CCDC102B: variants seen among roughly 807,000 people sequenced by gnomAD.
The protein encoded by CCDC102B is coiled-coil domain containing 102B.
CCDC102B carries 75 observed loss-of-function variants against 57.4 expected under a neutral mutation model. That is an observed-to-expected ratio of 1.31 (90% CI 1.08 to 1.58). The LOEUF is 1.58. CCDC102B is among the 40% of genes most tolerant of loss of function. The pLI is 0.00. For missense variants in CCDC102B, 636 were observed against 582.6 expected, an observed-to-expected ratio of 1.09 and a Z score of -0.94; for synonymous variants, 206 against 201.9, an observed-to-expected ratio of 1.02 and a Z score of -0.17.
intron 1 of CCDC102B, among the ~76,000 whole-genome samples, chr18:68,835,723 T>G (rs1308370865): frequency 6.6e-6 from 1 of 152,198 alleles, no homozygotes; most frequent in African/African-American, 2.4e-5. Flanking sequence ...TAAATCAGTC[T>G]CTTATCTTCA....
chr18:68,985,284 A>AT (rs1373228878), intron 6 of CCDC102B, among the ~76,000 whole-genome samples: 3 of 152,164 alleles, frequency 2.0e-5, no homozygotes, highest in Non-Finnish European at 4.4e-5. Flanking sequence ...ATAAATTCAT[A>AT]TTTTCAGTTT....
chr18:69,031,437 C>T (rs370997244), intron 7 of CCDC102B, among the ~76,000 whole-genome samples: 1 of 149,890 alleles, frequency 6.7e-6, no homozygotes, highest in African/African-American at 2.4e-5. Context: ...TACAAGGCAC[C>T]TTCCTGGAGA....
At chr18:68,965,622 A>G (rs1168392091) in intron 6 of CCDC102B, among the ~76,000 whole-genome samples, 1 of 151,308 alleles carries the variant, frequency 6.6e-6, no homozygotes, top group Non-Finnish European at 1.5e-5. Flanking sequence ...AATTATATAT[A>G]TATATAAAAA....
exon 1 of CCDC102B, chr18:68,715,255 G>C: frequency 7.5e-7 from 1 of 1,334,490 alleles, no homozygotes; most frequent in Non-Finnish European, 9.6e-7. Context: ...TCCACGCCCA[G>C]GAGCGTGGGA....
chr18:68,882,610 C>A (rs1482933233), intron 5 of CCDC102B, among the ~76,000 whole-genome samples: 2 of 152,138 alleles, frequency 1.3e-5, no homozygotes, highest in Admixed American at 6.6e-5. Flanking sequence ...AACTATTATT[C>A]CAGGCTCATA....
intron 5 of CCDC102B, among the ~76,000 whole-genome samples, chr18:68,896,213 T>C (rs2040236810): frequency 6.6e-6 from 1 of 152,054 alleles, no homozygotes; most frequent in African/African-American, 2.4e-5. Context: ...AGCAGACGAA[T>C]ATAATTTCAT....
In CCDC102B at chr18:68,998,999, TAGAGAGAGAG is replaced by T. The variant is rs60271182; in HGVS notation, c.1264-11906_1264-11897del. Among the ~76,000 whole-genome samples, 395 of 43,212 alleles carry T rather than the reference TAGAGAGAGAG, an allele frequency of 9.1e-3. 1 individual carries two copies. The highest frequency in any genetic ancestry group is 0.012 in the African/African-American group (157 of 12,694). 28.3% of individuals were successfully genotyped at this position (43,212 alleles called of 152,430 possible). ...ATATATATATATATATATATATATA[TAGAGAGAGAG>T]AGAGAGAGAGAGAGAGAGAGAGAGA... On this transcript the variant is annotated intron_variant, in intron 6 of 7. Coordinates refer to ENST00000360242, the MANE Select transcript of CCDC102B (RefSeq NM_024781.3).
At chr18:68,944,246 C>G in intron 6 of CCDC102B, among the ~76,000 whole-genome samples, 1 of 151,918 alleles carries the variant, frequency 6.6e-6, no homozygotes, top group East Asian at 1.9e-4. Flanking sequence ...ATGGGAAAAA[C>G]AAGGCTGGGT....
At chr18:68,898,618 T>C (rs1236331748) in intron 6 of CCDC102B, among the ~76,000 whole-genome samples, 1 of 152,156 alleles carries the variant, frequency 6.6e-6, no homozygotes, top group Non-Finnish European at 1.5e-5. Context: ...ACTTTTTATT[T>C]GATTTATTCA....
intron 6 of CCDC102B, among the ~76,000 whole-genome samples, chr18:68,958,092 A>G (rs2145220143): frequency 6.6e-6 from 1 of 152,214 alleles, no homozygotes; most frequent in African/African-American, 2.4e-5. Flanking sequence ...GAGCTAGTGC[A>G]GGCAAACTCA....
intron 2 of CCDC102B, among the ~76,000 whole-genome samples, chr18:68,747,082 G>T (rs181227243): frequency 1.7e-4 from 26 of 152,062 alleles, no homozygotes; most frequent in African/African-American, 6.0e-4. Flanking sequence ...TTGGTGTTGG[G>T]AATATTCAAA....
At chr18:69,017,458 A>T (rs190948026) in intron 7 of CCDC102B, among the ~76,000 whole-genome samples, 3 of 152,214 alleles carry the variant, frequency 2.0e-5, no homozygotes, top group Admixed American at 6.5e-5. Flanking sequence ...CTTTTTAAAA[A>T]TTTTAACTTT....
At chr18:68,990,738 T>A in intron 6 of CCDC102B, among the ~76,000 whole-genome samples, 1 of 152,182 alleles carries the variant, frequency 6.6e-6, no homozygotes, top group East Asian at 1.9e-4. Context: ...TATAGATTTT[T>A]CCTGTATTTC....
intron 5 of CCDC102B, among the ~76,000 whole-genome samples, chr18:68,876,602 A>G (rs752556661): frequency 6.3e-4 from 96 of 152,184 alleles, no homozygotes; most frequent in African/African-American, 2.1e-3. Context: ...TTGACTTTAC[A>G]TGTTCTAGCA....
intron 1 of CCDC102B, among the ~76,000 whole-genome samples, chr18:68,828,685 A>C (rs901135372): frequency 3.3e-5 from 5 of 151,658 alleles, no homozygotes; most frequent in African/African-American, 4.8e-5. Context: ...AAAAAAACTT[A>C]GAAAAACAAT....
chr18:68,832,869 A>G (rs902324224), intron 1 of CCDC102B, among the ~76,000 whole-genome samples: 2 of 152,028 alleles, frequency 1.3e-5, no homozygotes, highest in Non-Finnish European at 2.9e-5. Flanking sequence ...ACATCCAGGT[A>G]GCCGACACAG....
intron 7 of CCDC102B, among the ~76,000 whole-genome samples, chr18:69,036,989 T>A (rs1267922323): frequency 1.3e-5 from 2 of 149,116 alleles, no homozygotes; most frequent in African/African-American, 5.0e-5. Flanking sequence ...GTATGTTGTA[T>A]GTTGTGTATG....
intron 4 of CCDC102B, among the ~76,000 whole-genome samples, chr18:68,869,957 C>T (rs2039168006): frequency 6.6e-6 from 1 of 152,060 alleles, no homozygotes; most frequent in Admixed American, 6.6e-5. Flanking sequence ...CCAGTTTTCC[C>T]AGCACTATTT....
chr18:68,886,097 G>A (rs1568311191), intron 5 of CCDC102B, among the ~76,000 whole-genome samples: 1 of 151,758 alleles, frequency 6.6e-6, no homozygotes, highest in Admixed American at 6.6e-5. Flanking sequence ...GTGGCCGGGG[G>A]CAGTGGCTCA....
Sources: gnomAD v4.1 joint callset for allele counts (sites outside exome capture counted in the v4.1 genomes callset) on GRCh38, gnomAD v4.1.1 for gene constraint, MANE v1.5 for transcripts, NCBI Gene and HGNC (gene_info 2026-07-23, HGNC 2026-07-21) for gene names.